Variants in SYK observed in about 807,000 individuals in gnomAD.
SYK encodes tyrosine-protein kinase SYK.
Under a neutral mutation model 77.8 loss-of-function variants are expected in SYK, and 16 were observed. That is an observed-to-expected ratio of 0.21 (90% CI 0.14 to 0.31). SYK has a LOEUF of 0.31. Ranked by LOEUF, SYK falls within the 10% of genes least tolerant of loss-of-function variation. The pLI is 1.00. For synonymous variants in SYK, 312 were observed against 308.7 expected, an observed-to-expected ratio of 1.01 and a Z score of -0.11; for missense variants, 529 against 814.4, an observed-to-expected ratio of 0.65 and a Z score of 4.26.
At chr9:90,872,100 C>A (rs1206412783) in intron 7 of SYK, among the ~76,000 whole-genome samples, 1 of 152,202 alleles carries the variant, frequency 6.6e-6, no homozygotes, top group Non-Finnish European at 1.5e-5. Flanking sequence ...CATATTTTGA[C>A]AACCCCATCT....
intron 3 of SYK, among the ~76,000 whole-genome samples, chr9:90,855,895 G>A: frequency 6.6e-6 from 1 of 152,250 alleles, no homozygotes; most frequent in East Asian, 1.9e-4. Context: ...GAGCCTGTTT[G>A]AGATACCTGT....
At chr9:90,839,741 G>C (rs1826224229) in intron 1 of SYK, among the ~76,000 whole-genome samples, 1 of 152,174 alleles carries the variant, frequency 6.6e-6, no homozygotes, top group East Asian at 1.9e-4. Flanking sequence ...TACATAAAAA[G>C]TAACCTGGGC....
In SYK at chr9:90,828,229, A is replaced by AC. The variant is rs1392694626; in HGVS notation, c.-41-15624dup. Among the ~76,000 whole-genome samples the AC allele has an allele frequency of 2.3e-3, 58 of 25,600 alleles. 1 individual carries two copies. The highest frequency in any genetic ancestry group is 0.013 in the East Asian group (7 of 546). The allele number at this position is 25,600 out of a possible 152,430, so 16.8% of individuals were successfully genotyped here. On this transcript the variant is annotated intron_variant, in intron 1 of 13. Coordinates refer to ENST00000375754, the MANE Select transcript of SYK (RefSeq NM_003177.7). ...TGTCATTGCAGTCTGCTGTGGCCTC[A>AC]CCCCCGCCCCCCCCCCCGCCCCGCC...
chr9:90,862,059 G>T (rs768738201), intron 3 of SYK, 147 bp from the exon 4 acceptor site: 36 of 1,044,072 alleles, frequency 3.4e-5, no homozygotes, highest in Non-Finnish European at 4.7e-5. Flanking sequence ...TTGACCCTGA[G>T]GCTCCAAACT....
chr9:90,887,660 C>A, intron 11 of SYK, 89 bp from the exon 12 acceptor site: 1 of 1,429,590 alleles, frequency 7.0e-7, no homozygotes, highest in Admixed American at 2.3e-5. Flanking sequence ...TCCTCAGCCT[C>A]CCAAAGTGCT....
intron 1 of SYK, among the ~76,000 whole-genome samples, chr9:90,825,340 G>A (rs1315271283): frequency 1.3e-5 from 2 of 152,146 alleles, no homozygotes; most frequent in African/African-American, 4.8e-5. Flanking sequence ...CAAAATCCCA[G>A]CAAGCTGTTT....
At position 90,861,207 on chromosome 9, in the gene SYK, C is replaced by T. The variant is rs892608364; in HGVS notation, c.579-999C>T. Among the ~76,000 whole-genome samples the T allele has an allele frequency of 3.9e-5, 6 of 152,296 alleles. No individual in the cohort carries two copies. The East Asian group carries it at 9.7e-4, about 25-fold the overall frequency. ...GTCCCACAGGTCTTCCAGGGGATCTCTCACCTCCCCATGAGTCATAAGCCT... is the reference window on the plus strand; with the variant it reads ...GTCCCACAGGTCTTCCAGGGGATCTTTCACCTCCCCATGAGTCATAAGCCT... On this transcript the variant is annotated intron_variant, in intron 3 of 13. Transcript: ENST00000375754.
At chr9:90,828,841 G>A (rs558631659) in intron 1 of SYK, among the ~76,000 whole-genome samples, 135 of 152,114 alleles carry the variant, frequency 8.9e-4, no homozygotes, top group Non-Finnish European at 1.5e-3. Context: ...TGACTTGACT[G>A]TCCTCCCTGG....
chr9:90,878,613 G>A (rs12003608), intron 10 of SYK, 151 bp from the exon 11 acceptor site: 100,429 of 608,378 alleles, frequency 0.17, 9,660 homozygotes, highest in Admixed American at 0.34. Flanking sequence ...AGAGCTATAT[G>A]CTAACAAAGT....
chr9:90,896,684 T>A lies in SYK; in HGVS notation c.*1084T>A, dbSNP rs1393190674. The A allele has an allele frequency of 4.3e-6, 1 of 232,134 alleles. No individual in the cohort carries two copies. Among genetic ancestry groups the A allele is most frequent in the East Asian group, 6.1e-5 (1 of 16,400 alleles). 14.4% of individuals were successfully genotyped at this position (232,134 alleles called of 1,614,324 possible). A position where few individuals can be genotyped will look rare whatever the true frequency, so the allele number is the denominator to read the frequency against. ...AGATCGGAGAATGATTTTCTGGTCT[T>A]AACTAATCCTCATCTTCATGTTTGA... On this transcript the variant is annotated 3_prime_UTR_variant, in exon 14 of 14. Coordinates refer to ENST00000375754, the MANE Select transcript of SYK (RefSeq NM_003177.7).
chr9:90,867,027 A>G lies in SYK; in HGVS notation c.847-104A>G, dbSNP rs1204750873. On this transcript the variant is annotated intron_variant, in intron 6 of 13. Coordinates refer to ENST00000375754, the MANE Select transcript of SYK (RefSeq NM_003177.7). Reference sequence around the variant, plus strand: ...TCATTGGCAGGGACAGGAGGGGGTTAGTGGTGCGATTATAGAAGCAAATTT... The same window carrying G: ...TCATTGGCAGGGACAGGAGGGGGTTGGTGGTGCGATTATAGAAGCAAATTT... 4.1e-6 allele frequency: 5 copies of G among 1,213,006 alleles called. No homozygotes were observed. The East Asian group carries it at 1.2e-4, about 28-fold the overall frequency. The allele number at this position is 1,213,006 out of a possible 1,614,324, so 75.1% of individuals were successfully genotyped here.
intron 1 of SYK, among the ~76,000 whole-genome samples, chr9:90,813,202 T>G (rs1296261206): frequency 6.6e-6 from 1 of 152,176 alleles, no homozygotes; most frequent in African/African-American, 2.4e-5. Context: ...GGTCCATAGT[T>G]TCTTGGTGTC....
intron 1 of SYK, among the ~76,000 whole-genome samples, chr9:90,810,466 T>G (rs990103030): frequency 1.4e-5 from 2 of 145,400 alleles, no homozygotes; most frequent in African/African-American, 5.1e-5. Flanking sequence ...CTCAGAGGGG[T>G]TAGGGAGTTA....
intron 1 of SYK, among the ~76,000 whole-genome samples, chr9:90,835,605 G>A (rs72729032): frequency 0.021 from 3,265 of 152,216 alleles, 81 homozygotes; most frequent in East Asian, 0.14. Context: ...AGGAGAGATG[G>A]GGAAGGAGAG....
chr9:90,831,881 A>G (rs1825909278), intron 1 of SYK, among the ~76,000 whole-genome samples: 1 of 152,180 alleles, frequency 6.6e-6, no homozygotes, highest in African/African-American at 2.4e-5. Flanking sequence ...AATGGCCCCA[A>G]ACACAATGCT....
At chr9:90,859,515 CACTT>C (rs1032173605) in intron 3 of SYK, among the ~76,000 whole-genome samples, 3 of 152,200 alleles carry the variant, frequency 2.0e-5, no homozygotes, top group Admixed American at 1.3e-4. Context: ...GCTCTGTGGT[CACTT>C]ACGTTGTGTG....
At position 90,845,483 on chromosome 9, in the gene SYK, A is replaced by G; in HGVS notation, c.467A>G (p.Lys156Arg). The change falls in exon 3 of 14, where the codon AAG (lysine) becomes AGG (arginine). Residue 156 changes from lysine to arginine, a missense_variant. By Grantham distance (26) the Lys-to-Arg change is conservative. This residue lies in a region of SYK where 321 missense variants were observed against 433.1 expected (regional missense o/e 0.74). Coordinates refer to ENST00000375754, the MANE Select transcript of SYK (RefSeq NM_003177.7). ...AIISQKPQLE[K>R]LIATTAHEKM... ...ATCAGTCAGAAGCCTCAGCTGGAGA[A>G]GCTGATCGCTACCACAGCCCATGAA... 4 of 1,614,248 alleles carry G rather than the reference A, an allele frequency of 2.5e-6. No homozygotes were observed. Among genetic ancestry groups the G allele is most frequent in the East Asian group, 2.2e-5 (1 of 44,886 alleles).
Position 90,843,865 on chromosome 9 carries a change from C to T in SYK, c.-34C>T, listed in dbSNP as rs2118627210. On this transcript the variant is annotated 5_prime_UTR_variant, in exon 2 of 14. Coordinates refer to ENST00000375754, the MANE Select transcript of SYK (RefSeq NM_003177.7). ...TGTCTCTGTCTTGCCCAGGTGGACA[C>T]CTGCGCAGGTGTGTGCCCTCCGGCC... The T allele has an allele frequency of 2.1e-6, 3 of 1,455,890 alleles. No individual in the cohort carries two copies. The highest frequency in any genetic ancestry group is 4.9e-5 in the East Asian group (2 of 40,806). 90.2% of individuals were successfully genotyped at this position (1,455,890 alleles called of 1,614,324 possible).
intron 3 of SYK, among the ~76,000 whole-genome samples, chr9:90,853,892 TAAAA>T (rs902619625): frequency 6.6e-6 from 1 of 150,396 alleles, no homozygotes; most frequent in African/African-American, 2.5e-5. Context: ...TAAAATAAAA[TAAAA>T]AAGAAAAAAA....
Sources: gnomAD v4.1 joint callset for allele counts (sites outside exome capture counted in the v4.1 genomes callset) on GRCh38, gnomAD v4.1.1 for gene constraint, gnomAD v4.1.1 regional missense constraint, MANE v1.5 for transcripts, NCBI Gene and HGNC (gene_info 2026-07-23, HGNC 2026-07-21) for gene names.